The following UBR3 variants were observed in gnomAD, a reference collection of about 807,000 sequenced individuals.
UBR3 encodes the protein E3 ubiquitin-protein ligase UBR3.
Under a neutral mutation model 243.2 loss-of-function variants are expected in UBR3, and 85 were observed. The ratio of observed to expected loss-of-function variants is 0.35; its 90% CI spans 0.29 to 0.42. UBR3 has a LOEUF of 0.42. UBR3 is among the 10% of genes least tolerant of loss of function. The probability of loss-of-function intolerance (pLI) is 1.00; values close to 1 mark genes in which losing one functional copy is unlikely to be tolerated. For missense variants in UBR3, 1,686 were observed against 2,300.8 expected, an observed-to-expected ratio of 0.73 and a Z score of 5.47; for synonymous variants, 748 against 799.8, an observed-to-expected ratio of 0.94 and a Z score of 1.09.
At chr2:169,966,704 G>A (rs1242653546) in intron 24 of UBR3, among the ~76,000 whole-genome samples, 1 of 152,090 alleles carries the variant, frequency 6.6e-6, no homozygotes, top group African/African-American at 2.4e-5. Context: ...TTTTCACATT[G>A]TTACAAAGGA....
intron 32 of UBR3, among the ~76,000 whole-genome samples, chr2:170,043,021 T>C (rs1466581640): frequency 6.6e-6 from 1 of 152,144 alleles, no homozygotes; most frequent in African/African-American, 2.4e-5. Context: ...TTGCCTTGGA[T>C]CATGCTGGTT....
At chr2:170,079,284 A>G (rs1241486499) in intron 36 of UBR3, among the ~76,000 whole-genome samples, 1 of 152,198 alleles carries the variant, frequency 6.6e-6, no homozygotes, top group Non-Finnish European at 1.5e-5. Context: ...ACTTATGGAT[A>G]TAAAAGATCT....
At chr2:169,876,105 A>G (rs1238521680) in intron 3 of UBR3, among the ~76,000 whole-genome samples, 156 bp downstream of exon 3, 2 of 138,808 alleles carry the variant, frequency 1.4e-5, no homozygotes, top group African/African-American at 2.7e-5. Context: ...TTTTTTTGAG[A>G]CGGAGTCTAG....
chr2:170,076,816 G>A (rs1049666320), intron 36 of UBR3, among the ~76,000 whole-genome samples: 4 of 152,220 alleles, frequency 2.6e-5, no homozygotes, highest in African/African-American at 9.6e-5. Flanking sequence ...CTATAAGGCT[G>A]TAATCATTCT....
intron 1 of UBR3, among the ~76,000 whole-genome samples, chr2:169,863,199 C>T (rs1378610570): frequency 6.6e-6 from 1 of 152,100 alleles, no homozygotes; most frequent in Admixed American, 6.5e-5. Context: ...TCCCACAGTC[C>T]AGGAGATTTA....
intron 18 of UBR3, 139 bp downstream of exon 18, chr2:169,929,007 T>A: frequency 1.4e-6 from 1 of 711,298 alleles, no homozygotes; most frequent in Non-Finnish European, 2.0e-6. Context: ...TAAATGTATG[T>A]CTTTATTGGT....
chr2:169,828,141 A>T, intron 1 of UBR3, 89 bp downstream of exon 1: 7 of 1,151,622 alleles, frequency 6.1e-6, no homozygotes, highest in Admixed American at 5.6e-5. Flanking sequence ...GCCCACTCTG[A>T]GCTGTCAAGG....
chr2:169,861,646 G>A (rs993777898), intron 1 of UBR3, among the ~76,000 whole-genome samples: 3 of 151,482 alleles, frequency 2.0e-5, no homozygotes, highest in East Asian at 1.9e-4. Flanking sequence ...AAGCCCATGG[G>A]CATTTATTTT....
Position 170,068,850 on chromosome 2 carries a change from A to T in UBR3, c.5020-4578A>T, listed in dbSNP as rs145736194. Among the ~76,000 whole-genome samples, 11 of 152,348 alleles carry T rather than the reference A, an allele frequency of 7.2e-5. No homozygotes were observed. In the South Asian group the frequency reaches 1.9e-3, roughly 26 times the overall value. On this transcript the variant is annotated intron_variant, in intron 35 of 38. Coordinates refer to ENST00000272793, the MANE Select transcript of UBR3 (RefSeq NM_172070.4). ...TAGATAACATTTGCCAACAAGTTTG[A>T]CAACTTAGATAAAATGGTTAAATTT...
chr2:169,925,466 A>G (rs1245660479), intron 13 of UBR3, among the ~76,000 whole-genome samples, 153 bp from the exon 14 acceptor site: 1 of 152,194 alleles, frequency 6.6e-6, no homozygotes, highest in Non-Finnish European at 1.5e-5. Flanking sequence ...AAAAATGTAA[A>G]AATGTATATT....
intron 5 of UBR3, among the ~76,000 whole-genome samples, chr2:169,882,136 TTTATA>T (rs1351623357): frequency 1.5e-5 from 2 of 129,102 alleles, no homozygotes; most frequent in East Asian, 4.1e-4. Flanking sequence ...TATACATATA[TTTATA>T]TTATATATGT....
At chr2:169,983,082 A>G (rs2088815756) in intron 24 of UBR3, among the ~76,000 whole-genome samples, 1 of 151,990 alleles carries the variant, frequency 6.6e-6, no homozygotes, top group Admixed American at 6.6e-5. Flanking sequence ...TAGAGTTGAG[A>G]GAGTGAGAGC....
At chr2:169,905,594 A>G (rs1420634246) in intron 9 of UBR3, among the ~76,000 whole-genome samples, 1 of 152,144 alleles carries the variant, frequency 6.6e-6, no homozygotes, top group Non-Finnish European at 1.5e-5. Context: ...AGGCTGGTCT[A>G]GTACTCCTGG....
At chr2:169,935,853 A>G (rs1308524448) in intron 19 of UBR3, among the ~76,000 whole-genome samples, 1 of 152,176 alleles carries the variant, frequency 6.6e-6, no homozygotes, top group Non-Finnish European at 1.5e-5. Context: ...TTTATTTTGG[A>G]ACAATTTATT....
chr2:169,882,210 ATATATG>A (rs2083902016), intron 5 of UBR3, among the ~76,000 whole-genome samples: 1 of 95,606 alleles, frequency 1.0e-5, no homozygotes, highest in African/African-American at 3.9e-5. Context: ...ATACACATTT[ATATATG>A]TATATTATAT....
intron 10 of UBR3, 91 bp downstream of exon 10, chr2:169,906,255 T>G: frequency 7.4e-7 from 1 of 1,356,482 alleles, no homozygotes; most frequent in East Asian, 2.8e-5. Flanking sequence ...TGTGCAGTGT[T>G]TAATTTTGTT....
chr2:170,036,363 G>A (rs1267527091), intron 31 of UBR3, among the ~76,000 whole-genome samples: 2 of 151,920 alleles, frequency 1.3e-5, no homozygotes, highest in African/African-American at 4.8e-5. Context: ...TCTACAGAGG[G>A]GTGCATCAAT....
Position 170,061,452 on chromosome 2 carries a change from T to C in UBR3, c.5019+9T>C. 1 of 1,600,288 alleles carries C rather than the reference T, an allele frequency of 6.2e-7. No homozygotes were observed. The highest frequency in any genetic ancestry group is 8.5e-7 in the Non-Finnish European group (1 of 1,176,404). On this transcript the variant is annotated intron_variant, in intron 35 of 38. Transcript: ENST00000272793. ...ATTTACCTAGCTGCCAGGTAGATAA[T>C]TTGGGATATGTAAGAGGGAGCTTTT...
chr2:170,076,487 T>A (rs754976653), intron 36 of UBR3, among the ~76,000 whole-genome samples: 1 of 152,194 alleles, frequency 6.6e-6, no homozygotes, highest in South Asian at 2.1e-4. Flanking sequence ...CTGCATCCAG[T>A]AGCTCTGAGA....
Sources: gnomAD v4.1 joint callset for allele counts (sites outside exome capture counted in the v4.1 genomes callset) on GRCh38, gnomAD v4.1.1 for gene constraint, MANE v1.5 for transcripts, NCBI Gene and HGNC (gene_info 2026-07-23, HGNC 2026-07-21) for gene names.